RBMS3: variants seen among roughly 807,000 people sequenced by gnomAD.
The protein encoded by RBMS3 is RNA-binding motif, single-stranded-interacting protein 3.
RBMS3 carries 27 observed loss-of-function variants against 66.8 expected under a neutral mutation model. The ratio of observed to expected loss-of-function variants is 0.40; its 90% CI spans 0.30 to 0.56. The LOEUF is 0.56. Among genes scored for constraint, RBMS3 ranks in the 20% least tolerant of loss-of-function variants. The pLI, the probability that RBMS3 is intolerant of heterozygous loss-of-function variation, is 0.40. For synonymous variants in RBMS3, 188 were observed against 183.0 expected (o/e 1.03, Z -0.22); for missense variants, 513 against 549.5 (o/e 0.93, Z 0.66).
intron 3 of RBMS3, among the ~76,000 whole-genome samples, chr3:29,525,468 A>G (rs529657223): frequency 2.6e-5 from 4 of 152,294 alleles, no homozygotes; most frequent in African/African-American, 9.6e-5. Flanking sequence ...CCCTCCATCA[A>G]GCTGTTTGCA....
At chr3:29,937,909 C>T (rs1299994845) in intron 11 of RBMS3, among the ~76,000 whole-genome samples, 1 of 151,838 alleles carries the variant, frequency 6.6e-6, no homozygotes, top group Non-Finnish European at 1.5e-5. Flanking sequence ...TATCAGCCTT[C>T]GTGTCCTTCA....
chr3:29,388,618 A>G (rs937116211), intron 1 of RBMS3, among the ~76,000 whole-genome samples: 7 of 152,198 alleles, frequency 4.6e-5, no homozygotes, highest in Admixed American at 2.0e-4. Context: ...TCTGTCGCAC[A>G]GGCTGGAGTG....
chr3:29,932,919 T>C (rs1205076417), intron 10 of RBMS3, among the ~76,000 whole-genome samples: 2 of 152,178 alleles, frequency 1.3e-5, no homozygotes, highest in Admixed American at 1.3e-4. Context: ...TGGGAGCAGC[T>C]TTGTTTTGCA....
intron 4 of RBMS3, among the ~76,000 whole-genome samples, chr3:29,659,679 C>T (rs1367212357): frequency 4.6e-5 from 7 of 152,188 alleles, no homozygotes; most frequent in African/African-American, 1.7e-4. Flanking sequence ...AATAATACTG[C>T]TATGCACATG....
intron 4 of RBMS3, among the ~76,000 whole-genome samples, chr3:29,630,006 G>T (rs2049225855): frequency 6.6e-6 from 1 of 152,050 alleles, no homozygotes; most frequent in South Asian, 2.1e-4. Context: ...TAGGATGTCA[G>T]AAACTAAAAA....
chr3:29,466,198 A>G (rs1038822868), intron 2 of RBMS3, among the ~76,000 whole-genome samples: 3 of 152,084 alleles, frequency 2.0e-5, no homozygotes, highest in East Asian at 3.9e-4. Context: ...ACCAATGCCA[A>G]TTAAAGACTA....
intron 1 of RBMS3, among the ~76,000 whole-genome samples, chr3:29,321,424 C>T (rs970677042): frequency 6.6e-6 from 1 of 152,002 alleles, no homozygotes; most frequent in African/African-American, 2.4e-5. Context: ...ATAATTTGAA[C>T]CCACAAAGAT....
intron 5 of RBMS3, among the ~76,000 whole-genome samples, chr3:29,756,329 C>A (rs896028755): frequency 6.6e-6 from 1 of 152,086 alleles, no homozygotes; most frequent in African/African-American, 2.4e-5. Context: ...GTGTATTAGT[C>A]CATCCTCATA....
chr3:29,553,327 A>G (rs2046238579), intron 3 of RBMS3, among the ~76,000 whole-genome samples: 1 of 152,158 alleles, frequency 6.6e-6, no homozygotes. Context: ...ATTTGGATCA[A>G]CAGTAGTAGC....
intron 2 of RBMS3, among the ~76,000 whole-genome samples, chr3:29,438,028 T>TTCTCTCTCTCTCTCTCTCTCTCTC (rs34431369): frequency 1.4e-5 from 2 of 142,458 alleles, no homozygotes; most frequent in Admixed American, 7.1e-5. Context: ...CCTTGCTTGT[T>TTCTCTCTCTCTCTCTCTCTCTCTC]TCTCTCTCTC....
At chr3:29,339,513 A>C (rs574636472) in intron 1 of RBMS3, among the ~76,000 whole-genome samples, 1 of 152,086 alleles carries the variant, frequency 6.6e-6, no homozygotes, top group Admixed American at 6.6e-5. Context: ...GGATCAGGAG[A>C]GCTTTACAGC....
At chr3:29,285,463 T>G (rs1187817727) in intron 1 of RBMS3, among the ~76,000 whole-genome samples, 4 of 152,094 alleles carry the variant, frequency 2.6e-5, no homozygotes, top group Non-Finnish European at 5.9e-5. Context: ...AGTTTCTCCT[T>G]TCTTCCTTTT....
chr3:29,514,294 T>C (rs537202683), intron 3 of RBMS3, among the ~76,000 whole-genome samples: 114 of 152,258 alleles, frequency 7.5e-4, no homozygotes, highest in African/African-American at 2.6e-3. Flanking sequence ...GGCAGAATGC[T>C]CTCTCACCAT....
chr3:29,355,558 G>A (rs57830027), intron 1 of RBMS3, among the ~76,000 whole-genome samples: 11,014 of 146,154 alleles, frequency 0.075, 483 homozygotes, highest in African/African-American at 0.13. Flanking sequence ...TATACAGCAA[G>A]AAAAAAAAAA....
chr3:29,427,360 A>G (rs2040998349), intron 1 of RBMS3, among the ~76,000 whole-genome samples: 1 of 152,178 alleles, frequency 6.6e-6, no homozygotes, highest in Non-Finnish European at 1.5e-5. Flanking sequence ...ATTTGTTATT[A>G]CTTGCACAGA....
chr3:29,974,812 T>TA (rs1248096415), intron 12 of RBMS3, among the ~76,000 whole-genome samples: 6 of 145,316 alleles, frequency 4.1e-5, no homozygotes, highest in East Asian at 2.0e-4. Flanking sequence ...TTTATATATT[T>TA]TATATATAAA....
At chr3:29,810,108 G>A (rs1012315863) in intron 6 of RBMS3, among the ~76,000 whole-genome samples, 4 of 152,096 alleles carry the variant, frequency 2.6e-5, no homozygotes, top group East Asian at 1.9e-4. Flanking sequence ...TATAGTATAC[G>A]CTTTGTTAAT....
At chr3:29,315,189 T>C (rs1186069301) in intron 1 of RBMS3, among the ~76,000 whole-genome samples, 1 of 151,848 alleles carries the variant, frequency 6.6e-6, no homozygotes, top group Admixed American at 6.6e-5. Flanking sequence ...AATAACTTCA[T>C]ATCTGGAATA....
chr3:29,620,263 T>C (rs929415143), intron 4 of RBMS3, among the ~76,000 whole-genome samples: 3 of 152,222 alleles, frequency 2.0e-5, no homozygotes, highest in Non-Finnish European at 4.4e-5. Flanking sequence ...CATATTTGTA[T>C]GTGCCACTTA....
Sources: allele counts gnomAD v4.1 joint callset (sites outside exome capture counted in the v4.1 genomes callset), GRCh38; gene constraint gnomAD v4.1.1; transcripts MANE v1.5; gene names NCBI Gene and HGNC (gene_info 2026-07-23, HGNC 2026-07-21).